The following LRFN5 variants were observed in gnomAD, a reference collection of about 807,000 sequenced individuals.
LRFN5 encodes leucine-rich repeat and fibronectin type-III domain-containing protein 5.
LRFN5 carries 24 observed loss-of-function variants against 45.6 expected under a neutral mutation model. The observed-to-expected ratio is 0.53, with a 90% CI of 0.38 to 0.74. LRFN5 has a LOEUF of 0.74. LRFN5 is among the 30% of genes least tolerant of loss of function. LRFN5 has a pLI of 0.00. For synonymous variants in LRFN5, 340 were observed against 313.8 expected, an observed-to-expected ratio of 1.08 and a Z score of -0.88; for missense variants, 776 against 861.5, an observed-to-expected ratio of 0.90 and a Z score of 1.24.
At chr14:41,641,927 A>G (rs935318672) in intron 1 of LRFN5, among the ~76,000 whole-genome samples, 4 of 152,118 alleles carry the variant, frequency 2.6e-5, no homozygotes, top group African/African-American at 4.8e-5. Flanking sequence ...AAAAATGTAT[A>G]TTGATCACTG....
intron 1 of LRFN5, among the ~76,000 whole-genome samples, chr14:41,723,655 G>A (rs1883815228): frequency 6.6e-6 from 1 of 152,078 alleles, no homozygotes; most frequent in African/African-American, 2.4e-5. Context: ...GACTCTTGCT[G>A]CAAATCTCGT....
At chr14:41,660,891 G>T (rs955125217) in intron 1 of LRFN5, among the ~76,000 whole-genome samples, 3 of 150,876 alleles carry the variant, frequency 2.0e-5, no homozygotes, top group African/African-American at 7.3e-5. Flanking sequence ...AGATACTTTG[G>T]CCAAGTTCAA....
At chr14:41,876,311 C>T (rs1418961019) in intron 2 of LRFN5, among the ~76,000 whole-genome samples, 5 of 112,668 alleles carry the variant, frequency 4.4e-5, no homozygotes, top group Admixed American at 1.2e-4. Context: ...GACGGAGTGT[C>T]GCTCTGTCGC....
At chr14:41,790,242 C>A (rs985360356) in intron 2 of LRFN5, among the ~76,000 whole-genome samples, 1 of 151,816 alleles carries the variant, frequency 6.6e-6, no homozygotes, top group Non-Finnish European at 1.5e-5. Context: ...GCATAAACAA[C>A]TTTATTATTA....
chr14:41,823,431 CTA>C (rs1456793282), intron 2 of LRFN5, among the ~76,000 whole-genome samples: 1 of 151,258 alleles, frequency 6.6e-6, no homozygotes, highest in Admixed American at 6.6e-5. Context: ...TTATCTATAT[CTA>C]TATCTATATT....
intron 1 of LRFN5, among the ~76,000 whole-genome samples, chr14:41,648,104 A>T (rs1594579824): frequency 6.6e-6 from 1 of 152,324 alleles, no homozygotes; most frequent in South Asian, 2.1e-4. Flanking sequence ...AAGCGCCATC[A>T]GCATTTTGCT....
chr14:41,639,936 A>T (rs1439809712), intron 1 of LRFN5, among the ~76,000 whole-genome samples: 3 of 149,350 alleles, frequency 2.0e-5, no homozygotes, highest in Non-Finnish European at 4.4e-5. Flanking sequence ...ATGGATGCCA[A>T]CATGACTGGC....
intron 1 of LRFN5, among the ~76,000 whole-genome samples, chr14:41,716,058 T>C (rs2138757515): frequency 6.6e-6 from 1 of 152,308 alleles, no homozygotes; most frequent in Admixed American, 6.5e-5. Context: ...GCTTGCACCC[T>C]ATGAAGCCAC....
At chr14:41,888,989 G>A (rs1402759606) in intron 3 of LRFN5, among the ~76,000 whole-genome samples, 1 of 130,308 alleles carries the variant, frequency 7.7e-6, no homozygotes, top group Non-Finnish European at 1.7e-5. Flanking sequence ...ATGTATATGT[G>A]TGTATGTATA....
intron 1 of LRFN5, among the ~76,000 whole-genome samples, chr14:41,651,142 C>G (rs2138619718): frequency 6.6e-6 from 1 of 152,250 alleles, no homozygotes; most frequent in South Asian, 2.1e-4. Context: ...ATTTTGTGCT[C>G]AAGCTCATGG....
At position 41,863,299 on chromosome 14, in the gene LRFN5, A is replaced by T. The variant is rs117930221; in HGVS notation, c.-20-23307A>T. 8.1e-3 allele frequency among the ~76,000 whole-genome samples: 1,239 copies of T among 152,276 alleles called. 8 individuals carry two copies. Among genetic ancestry groups the T allele is most frequent in the Non-Finnish European group, 0.012 (819 of 68,022 alleles). ...TAATTTCTCCTCTTGTCTTTATTAT[A>T]CTATTTTACTTGCTTAGGATTAATT... On this transcript the variant is annotated intron_variant, in intron 2 of 5. Coordinates refer to ENST00000298119, the MANE Select transcript of LRFN5 (RefSeq NM_152447.5).
intron 2 of LRFN5, among the ~76,000 whole-genome samples, chr14:41,856,786 C>T (rs1218874423): frequency 1.4e-5 from 2 of 143,290 alleles, no homozygotes; most frequent in East Asian, 2.0e-4. Context: ...ACGCCATTCT[C>T]CTGCCTCAGC....
At chr14:41,636,813 T>C (rs1275921275) in intron 1 of LRFN5, among the ~76,000 whole-genome samples, 2 of 152,056 alleles carry the variant, frequency 1.3e-5, no homozygotes, top group African/African-American at 4.8e-5. Context: ...CTATGTGAGC[T>C]CATTTCTCAA....
At chr14:41,874,315 A>G (rs1242084206) in intron 2 of LRFN5, among the ~76,000 whole-genome samples, 1 of 152,162 alleles carries the variant, frequency 6.6e-6, no homozygotes, top group East Asian at 1.9e-4. Flanking sequence ...TCTGGCCTTC[A>G]CTGAGATTCA....
At chr14:41,858,006 A>T (rs117362825) in intron 2 of LRFN5, among the ~76,000 whole-genome samples, 1 of 152,342 alleles carries the variant, frequency 6.6e-6, no homozygotes, top group Non-Finnish European at 1.5e-5. Context: ...GGAATATAAT[A>T]CATTAGAGCT....
At chr14:41,649,937 A>G (rs763494973) in intron 1 of LRFN5, among the ~76,000 whole-genome samples, 5 of 152,176 alleles carry the variant, frequency 3.3e-5, no homozygotes, top group Admixed American at 2.0e-4. Flanking sequence ...TTGGGCTTTA[A>G]TAAGTCTCAT....
chr14:41,693,757 T>G (rs770623558), intron 1 of LRFN5, among the ~76,000 whole-genome samples: 2 of 152,030 alleles, frequency 1.3e-5, no homozygotes, highest in East Asian at 3.9e-4. Context: ...TCTTTATAAC[T>G]TTTCTTTTTC....
At chr14:41,781,862 A>G (rs931988866) in intron 2 of LRFN5, among the ~76,000 whole-genome samples, 5 of 152,046 alleles carry the variant, frequency 3.3e-5, no homozygotes, top group African/African-American at 9.7e-5. Flanking sequence ...TATGTATTCT[A>G]TTCCACTTTC....
intron 1 of LRFN5, among the ~76,000 whole-genome samples, chr14:41,745,083 A>C (rs571923918): frequency 1.0e-3 from 152 of 152,224 alleles, no homozygotes; most frequent in African/African-American, 3.5e-3. Flanking sequence ...CATTTTTCTC[A>C]AGTTCACCCA....
Sources: gnomAD v4.1 joint callset for allele counts (sites outside exome capture counted in the v4.1 genomes callset) on GRCh38, gnomAD v4.1.1 for gene constraint, MANE v1.5 for transcripts, NCBI Gene and HGNC (gene_info 2026-07-23, HGNC 2026-07-21) for gene names.